GNG12: variants seen among roughly 807,000 people sequenced by gnomAD.
The protein encoded by GNG12 is G protein subunit gamma 12.
For synonymous variants in GNG12, 28 were observed against 29.7 expected (o/e 0.94, Z 0.19); for missense variants, 69 against 83.8 (o/e 0.82, Z 0.69).
chr1:67,797,769 G>A (rs901582762), intron 1 of GNG12, among the ~76,000 whole-genome samples: 4 of 152,168 alleles, frequency 2.6e-5, no homozygotes, highest in East Asian at 1.9e-4. Flanking sequence ...ACCAGGGCAC[G>A]ACATACCCAT....
At chr1:67,717,240 GT>G (rs1379001749) in intron 2 of GNG12, among the ~76,000 whole-genome samples, 1 of 152,180 alleles carries the variant, frequency 6.6e-6, no homozygotes, top group Non-Finnish European at 1.5e-5. Context: ...ACTCGGCCGG[GT>G]ATGGTGGCTC....
rs1443736245 is a variant in GNG12, at chr1:67,736,445, C to G, written c.-26-28733G>C. On this transcript the variant is annotated intron_variant, in intron 2 of 3. Coordinates refer to ENST00000370982, the MANE Select transcript of GNG12 (RefSeq NM_018841.6). Reference sequence around the variant, plus strand: ...CTGAAACAATTTGCTCTCAGTGGGCCAGGGCAGCTCTAAACACTAGACTGC... The same window carrying G: ...CTGAAACAATTTGCTCTCAGTGGGCGAGGGCAGCTCTAAACACTAGACTGC... Among the ~76,000 whole-genome samples the G allele has an allele frequency of 5.3e-5, 8 of 152,146 alleles. No individual in the cohort carries two copies. The East Asian group carries it at 1.5e-3, about 29-fold the overall frequency.
intron 1 of GNG12, among the ~76,000 whole-genome samples, chr1:67,803,229 G>C (rs1646876610): frequency 6.6e-6 from 1 of 152,072 alleles, no homozygotes; most frequent in African/African-American, 2.4e-5. Context: ...TTTAAAGTTA[G>C]TTGGTTGGGC....
intron 2 of GNG12, among the ~76,000 whole-genome samples, chr1:67,723,108 C>T (rs1257701744): frequency 2.0e-5 from 3 of 152,064 alleles, no homozygotes. Context: ...GAAGCAATTA[C>T]AATGCAAAAA....
chr1:67,761,466 T>G lies in GNG12; in HGVS notation c.-27+15992A>C, dbSNP rs1179356256. Among the ~76,000 whole-genome samples, 6 of 152,184 alleles carry G rather than the reference T, an allele frequency of 3.9e-5. No individual in the cohort carries two copies. In the East Asian group the frequency reaches 1.2e-3, roughly 29 times the overall value. Reference sequence around the variant, plus strand: ...ATTTAAACCTTATGTATTGGTGTCCTCAGGCTCTCATGAAGGGAATGGATA... The same window carrying G: ...ATTTAAACCTTATGTATTGGTGTCCGCAGGCTCTCATGAAGGGAATGGATA... On this transcript the variant is annotated intron_variant, in intron 2 of 3. Transcript: ENST00000370982.
At chr1:67,774,959 AG>A (rs1448058788) in intron 2 of GNG12, among the ~76,000 whole-genome samples, 2 of 152,236 alleles carry the variant, frequency 1.3e-5, no homozygotes, top group African/African-American at 4.8e-5. Flanking sequence ...TATGTAAGGT[AG>A]CACAGTACGT....
chr1:67,759,993 G>A (rs1348832349), intron 2 of GNG12, among the ~76,000 whole-genome samples: 9 of 152,202 alleles, frequency 5.9e-5, no homozygotes, highest in African/African-American at 2.2e-4. Flanking sequence ...GTAAAGCAGG[G>A]AGCAAGGCAG....
At chr1:67,823,535 C>T (rs956755519) in intron 1 of GNG12, among the ~76,000 whole-genome samples, 1 of 152,202 alleles carries the variant, frequency 6.6e-6, no homozygotes, top group Non-Finnish European at 1.5e-5. Flanking sequence ...CAAATGCCCA[C>T]AGGAGGATCA....
chr1:67,787,073 A>ATATAT (rs1646775253), intron 1 of GNG12, among the ~76,000 whole-genome samples: 1 of 81,840 alleles, frequency 1.2e-5, no homozygotes, highest in African/African-American at 4.0e-5. Flanking sequence ...GTGTGTGTAT[A>ATATAT]GTCCCCCTCC....
chr1:67,762,188 C>T (rs1646609563), intron 2 of GNG12, among the ~76,000 whole-genome samples: 1 of 152,192 alleles, frequency 6.6e-6, no homozygotes, highest in South Asian at 2.1e-4. Flanking sequence ...GCCCCCAACC[C>T]AAGGCTGTCC....
intron 2 of GNG12, among the ~76,000 whole-genome samples, chr1:67,760,781 C>G (rs2100738750): frequency 6.6e-6 from 1 of 152,274 alleles, no homozygotes; most frequent in Non-Finnish European, 1.5e-5. Context: ...GGGGACATGA[C>G]AGTAAGCAAG....
chr1:67,766,606 T>G (rs1047283232), intron 2 of GNG12, among the ~76,000 whole-genome samples: 1 of 109,214 alleles, frequency 9.2e-6, no homozygotes, highest in Non-Finnish European at 1.8e-5. Flanking sequence ...TATGTTGGTG[T>G]TTTTTTTTTT....
chr1:67,759,418 TA>T (rs574780652), intron 2 of GNG12, among the ~76,000 whole-genome samples: 68 of 152,314 alleles, frequency 4.5e-4, no homozygotes, highest in African/African-American at 1.6e-3. Flanking sequence ...GTGTAGCCAT[TA>T]AGAAAACGAA....
intron 2 of GNG12, among the ~76,000 whole-genome samples, chr1:67,758,381 C>A (rs1646582442): frequency 1.3e-5 from 2 of 152,216 alleles, no homozygotes; most frequent in African/African-American, 2.4e-5. Flanking sequence ...CTGGGTCCTG[C>A]TATCCCTCCT....
At position 67,702,924 on chromosome 1, in the gene GNG12, G is replaced by T. The variant is rs988352460; in HGVS notation, c.*2527C>A. 4 of 152,158 alleles carry T rather than the reference G, an allele frequency of 2.6e-5. No individual in the cohort carries two copies. Among genetic ancestry groups the T allele is most frequent in the Non-Finnish European group, 5.9e-5 (4 of 68,018 alleles). The allele number at this position is 152,158 out of a possible 1,614,324, so 9.4% of individuals were successfully genotyped here. Reference sequence around the variant, plus strand: ...ATCATTACAGTGGTAGTTGGAAAAAGTAACAAACACTGGGTATTTGTCTAT... The same window carrying T: ...ATCATTACAGTGGTAGTTGGAAAAATTAACAAACACTGGGTATTTGTCTAT... On this transcript the variant is annotated 3_prime_UTR_variant, in exon 4 of 4. Coordinates refer to ENST00000370982, the MANE Select transcript of GNG12 (RefSeq NM_018841.6).
At chr1:67,757,957 G>A (rs1449093522) in intron 2 of GNG12, among the ~76,000 whole-genome samples, 1 of 152,094 alleles carries the variant, frequency 6.6e-6, no homozygotes, top group Admixed American at 6.5e-5. Flanking sequence ...GGAGGTTTTA[G>A]TTTGGCTTTG....
At chr1:67,742,452 C>A (rs1049195574) in intron 2 of GNG12, among the ~76,000 whole-genome samples, 1 of 152,086 alleles carries the variant, frequency 6.6e-6, no homozygotes. Context: ...CCCACATAGA[C>A]CAAAGAGAAG....
chr1:67,727,794 T>TAA lies in GNG12; in HGVS notation c.-26-20084_-26-20083dup, dbSNP rs199727641. Reference sequence around the variant, plus strand: ...TCATACCATCTATATTAGATAGGGCTAATTAATTACTTAATTTTATTTGCA... The same window carrying TAA: ...TCATACCATCTATATTAGATAGGGCTAAAATTAATTACTTAATTTTATTTGCA... On this transcript the variant is annotated intron_variant, in intron 2 of 3. Coordinates refer to ENST00000370982, the MANE Select transcript of GNG12 (RefSeq NM_018841.6). 3.3e-5 allele frequency among the ~76,000 whole-genome samples: 5 copies of TAA among 152,258 alleles called. No homozygotes were observed. The East Asian group carries it at 9.6e-4, about 29-fold the overall frequency.
chr1:67,769,033 T>C (rs1322240565), intron 2 of GNG12, among the ~76,000 whole-genome samples: 1 of 152,086 alleles, frequency 6.6e-6, no homozygotes, highest in African/African-American at 2.4e-5. Flanking sequence ...AAGCAGCCAG[T>C]AAAAATGAGG....
Sources: allele counts gnomAD v4.1 joint callset (sites outside exome capture counted in the v4.1 genomes callset), GRCh38; gene constraint gnomAD v4.1.1; transcripts MANE v1.5; gene names NCBI Gene and HGNC (gene_info 2026-07-23, HGNC 2026-07-21).